Variants in EYS observed in about 807,000 individuals in gnomAD.
The protein encoded by EYS is protein eyes shut homolog.
In EYS, 250 loss-of-function variants were observed where a neutral mutation model predicts 282.1. The ratio of observed to expected loss-of-function variants is 0.89; its 90% CI spans 0.80 to 0.98. The LOEUF (loss-of-function observed/expected upper bound fraction) is 0.98. Among genes scored for constraint, EYS ranks in the 50% least tolerant of loss-of-function variants. The pLI, the probability that EYS is intolerant of heterozygous loss-of-function variation, is 0.00. For missense variants in EYS, 4,016 were observed against 3,709.0 expected (o/e 1.08, Z -2.15); for synonymous variants, 1,355 against 1,282.9 (o/e 1.06, Z -1.20).
intron 12 of EYS, among the ~76,000 whole-genome samples, chr6:65,216,950 C>G (rs1042176167): frequency 6.6e-6 from 1 of 151,938 alleles, no homozygotes; most frequent in Admixed American, 6.6e-5. Flanking sequence ...TTTGAATAAG[C>G]CCACATTTAA....
intron 36 of EYS, among the ~76,000 whole-genome samples, chr6:63,859,075 GTTTTTTTTTTTTTT>G (rs745344580): frequency 8.1e-4 from 39 of 47,936 alleles, no homozygotes; most frequent in East Asian, 3.4e-3. Flanking sequence ...GTCCTAGAGA[GTTTTTTTTTTTTTT>G]TTTTTTTTTT....
chr6:65,613,857 T>G (rs1390313626), intron 2 of EYS, among the ~76,000 whole-genome samples: 1 of 151,768 alleles, frequency 6.6e-6, no homozygotes, highest in African/African-American at 2.4e-5. Flanking sequence ...TCAAACCTAA[T>G]TTTTTTATGT....
At chr6:64,316,686 T>C (rs796836799) in intron 29 of EYS, among the ~76,000 whole-genome samples, 6 of 152,288 alleles carry the variant, frequency 3.9e-5, no homozygotes, top group African/African-American at 1.4e-4. Context: ...TACCATTGAT[T>C]TTCTTCACAG....
chr6:65,295,559 G>T (rs1768637292), intron 12 of EYS, among the ~76,000 whole-genome samples: 1 of 151,910 alleles, frequency 6.6e-6, no homozygotes, highest in Non-Finnish European at 1.5e-5. Flanking sequence ...AAAATTATTT[G>T]GAGCTTATGG....
At chr6:63,799,561 AT>A (rs1481919608) in intron 37 of EYS, among the ~76,000 whole-genome samples, 1 of 152,100 alleles carries the variant, frequency 6.6e-6, no homozygotes, top group Non-Finnish European at 1.5e-5. Context: ...GTAATTATTG[AT>A]TTTTCACCAA....
At chr6:64,766,645 A>AT (rs1207665386) in intron 22 of EYS, among the ~76,000 whole-genome samples, 1 of 37,090 alleles carries the variant, frequency 2.7e-5, no homozygotes, top group Non-Finnish European at 4.8e-5. Context: ...AAAAAAAAAA[A>AT]AAAAATATAT....
intron 22 of EYS, among the ~76,000 whole-genome samples, chr6:64,659,666 C>G (rs1373636799): frequency 6.6e-6 from 1 of 152,104 alleles, no homozygotes; most frequent in Non-Finnish European, 1.5e-5. Context: ...GACACATACA[C>G]CCTCCCAAGA....
At position 64,590,475 on chromosome 6, in the gene EYS, C is replaced by G. The variant is rs927982487; in HGVS notation, c.5392G>C (p.Ala1798Pro). The G allele has an allele frequency of 1.0e-5, 16 of 1,551,370 alleles. No homozygotes were observed. In the African/African-American group the frequency reaches 2.2e-4, roughly 21 times the overall value. ...TTNVAFYTVS[A>P]TPALSIQTSS... ...GTCTGTATTGAAAGTGCTGGAGTTG[C>G]TGAAACTGTATAAAATGCAACATTG... The change falls in exon 26 of 43, where the codon GCA (alanine) becomes CCA (proline). Residue 1798 changes from alanine (A) to proline (P), a missense_variant. Coordinates refer to ENST00000503581, the MANE Select transcript of EYS (RefSeq NM_001142800.2).
intron 5 of EYS, among the ~76,000 whole-genome samples, chr6:65,432,637 C>A (rs1767929053): frequency 6.6e-6 from 1 of 152,174 alleles, no homozygotes; most frequent in East Asian, 1.9e-4. Context: ...GGAGGTCAGA[C>A]AATTTAGGTC....
chr6:64,912,358 C>T (rs1314034000), intron 16 of EYS, 126 bp downstream of exon 16: 14 of 724,916 alleles, frequency 1.9e-5, no homozygotes, highest in Non-Finnish European at 2.6e-5. Context: ...TTAGATAGTC[C>T]CCTACCCACA....
intron 22 of EYS, chr6:64,631,550 A>T (rs1347694859): frequency 6.6e-6 from 1 of 152,022 alleles, no homozygotes; most frequent in Non-Finnish European, 1.5e-5. Flanking sequence ...TCATAGTAGT[A>T]TTTATTTTCC....
In EYS at chr6:63,727,737, A is replaced by AAAATATATATATATATAT. The variant is rs1554164607; in HGVS notation, c.8072-1058_8072-1057insATATATATATATATATTT. Among the ~76,000 whole-genome samples, 27 of 36,678 alleles carry AAAATATATATATATATAT rather than the reference A, an allele frequency of 7.4e-4. 1 individual carries two copies. Among genetic ancestry groups the AAAATATATATATATATAT allele is most frequent in the Middle Eastern group, 0.016 (1 of 64 alleles). The allele number at this position is 36,678 out of a possible 152,430, so 24.1% of individuals were successfully genotyped here. A position where few individuals can be genotyped will look rare whatever the true frequency, so the allele number is the denominator to read the frequency against. ...AAAAAAAAAAAAAAAAAAAAAAAAAAATATATATATATATGTTAGCTGGGC... is the reference window on the plus strand; with the variant it reads ...AAAAAAAAAAAAAAAAAAAAAAAAAAAAATATATATATATATATATATATATATATATGTTAGCTGGGC... On this transcript the variant is annotated intron_variant, in intron 41 of 42. Transcript: ENST00000503581.
At chr6:64,542,541 T>C (rs780714854) in intron 26 of EYS, among the ~76,000 whole-genome samples, 6 of 152,080 alleles carry the variant, frequency 3.9e-5, no homozygotes, top group Non-Finnish European at 5.9e-5. Context: ...GATATTCTTG[T>C]TAACTTATTT....
intron 33 of EYS, among the ~76,000 whole-genome samples, chr6:64,016,011 GT>G: frequency 6.6e-6 from 1 of 152,274 alleles, no homozygotes; most frequent in Non-Finnish European, 1.5e-5. Context: ...AAGGAACTAT[GT>G]TTTCTCCCAT....
chr6:65,667,171 C>G (rs1768229732), intron 1 of EYS, among the ~76,000 whole-genome samples: 1 of 151,854 alleles, frequency 6.6e-6, no homozygotes, highest in Non-Finnish European at 1.5e-5. Flanking sequence ...TGTTCTTGCT[C>G]TTACTTATTC....
intron 22 of EYS, among the ~76,000 whole-genome samples, chr6:64,643,122 CA>C (rs1554188071): frequency 2.2e-4 from 32 of 146,814 alleles, no homozygotes; most frequent in African/African-American, 7.2e-4. Flanking sequence ...TCCCCCCCCC[CA>C]AAAAAAAACA....
chr6:64,952,738 TGTTA>T (rs1436485758), intron 14 of EYS, among the ~76,000 whole-genome samples: 8 of 152,076 alleles, frequency 5.3e-5, no homozygotes, highest in Non-Finnish European at 1.0e-4. Flanking sequence ...ATTTAAAGCA[TGTTA>T]GTTACTTATG....
chr6:64,711,549 C>T (rs1300834394), intron 22 of EYS, among the ~76,000 whole-genome samples: 2 of 152,124 alleles, frequency 1.3e-5, no homozygotes, highest in Admixed American at 6.5e-5. Context: ...TGGGTTTGGC[C>T]TAGTCTTAGG....
intron 19 of EYS, among the ~76,000 whole-genome samples, chr6:64,885,430 T>G (rs1248036523): frequency 6.6e-6 from 1 of 151,688 alleles, no homozygotes; most frequent in Non-Finnish European, 1.5e-5. Flanking sequence ...ACAAAATGTG[T>G]TTCTTAGTCA....
Sources: allele counts gnomAD v4.1 joint callset (sites outside exome capture counted in the v4.1 genomes callset), GRCh38; gene constraint gnomAD v4.1.1; transcripts MANE v1.5; gene names NCBI Gene and HGNC (gene_info 2026-07-23, HGNC 2026-07-21).